NRG3: variants seen among roughly 807,000 people sequenced by gnomAD.
The protein encoded by NRG3 is pro-neuregulin-3, membrane-bound isoform.
Under a neutral mutation model 66.9 loss-of-function variants are expected in NRG3, and 31 were observed. That is an observed-to-expected ratio of 0.46 (90% CI 0.35 to 0.63). The LOEUF (loss-of-function observed/expected upper bound fraction) is 0.63, where lower values mean the gene tolerates loss of function less well. Ranked by LOEUF, NRG3 falls within the 20% of genes least tolerant of loss-of-function variation. The probability of loss-of-function intolerance (pLI) is 0.00; values close to 1 mark genes in which losing one functional copy is unlikely to be tolerated. For synonymous variants in NRG3, 393 were observed against 359.4 expected (o/e 1.09, Z -1.06); for missense variants, 910 against 878.9 (o/e 1.04, Z -0.45).
At chr10:82,349,746 G>T (rs965236721) in intron 1 of NRG3, among the ~76,000 whole-genome samples, 35 of 152,354 alleles carry the variant, frequency 2.3e-4, no homozygotes, top group East Asian at 1.2e-3. Flanking sequence ...CTCCGAGCCA[G>T]GTGCGGGATA....
chr10:82,707,018 AAT>A (rs10682579), intron 2 of NRG3, among the ~76,000 whole-genome samples: 70,716 of 141,062 alleles, frequency 0.5, 18,633 homozygotes, highest in East Asian at 0.6. Flanking sequence ...AAATAAAATA[AAT>A]ATATATATAT....
chr10:82,351,146 G>T (rs547864525), intron 1 of NRG3, among the ~76,000 whole-genome samples: 2 of 151,986 alleles, frequency 1.3e-5, no homozygotes, highest in Admixed American at 6.5e-5. Flanking sequence ...TGCCCGCCTC[G>T]GCCTCCCAAA....
chr10:82,054,696 G>C (rs2063749957), intron 1 of NRG3, among the ~76,000 whole-genome samples: 1 of 152,104 alleles, frequency 6.6e-6, no homozygotes, highest in Admixed American at 6.6e-5. Context: ...CGAGTGACAA[G>C]AGAAAGAAAA....
intron 7 of NRG3, among the ~76,000 whole-genome samples, chr10:82,976,758 T>C (rs1415080125): frequency 6.6e-6 from 1 of 152,152 alleles, no homozygotes; most frequent in African/African-American, 2.4e-5. Flanking sequence ...AGTGAGGTCA[T>C]GGCACTTGTG....
chr10:82,890,221 T>C (rs1380556135), intron 4 of NRG3, among the ~76,000 whole-genome samples: 1 of 146,218 alleles, frequency 6.8e-6, no homozygotes, highest in Non-Finnish European at 1.5e-5. Flanking sequence ...TAGAGAAAAA[T>C]ATAAAAAACC....
chr10:82,495,379 T>G (rs1316981983), intron 2 of NRG3, among the ~76,000 whole-genome samples: 1 of 152,228 alleles, frequency 6.6e-6, no homozygotes, highest in Middle Eastern at 3.2e-3. Flanking sequence ...GAATTGATTT[T>G]AATCTCAGAT....
intron 1 of NRG3, among the ~76,000 whole-genome samples, chr10:81,981,310 A>G (rs1274347462): frequency 6.6e-6 from 1 of 152,192 alleles, no homozygotes; most frequent in Non-Finnish European, 1.5e-5. Flanking sequence ...TGGGATGAAA[A>G]TTCTCATTCC....
intron 4 of NRG3, among the ~76,000 whole-genome samples, chr10:82,903,303 A>G (rs903417690): frequency 4.6e-5 from 7 of 152,136 alleles, no homozygotes; most frequent in African/African-American, 1.7e-4. Flanking sequence ...ATCTCCATGT[A>G]AGCATTTTGC....
chr10:82,927,584 G>A (rs4933276), intron 4 of NRG3, among the ~76,000 whole-genome samples: 150,277 of 152,192 alleles, frequency 0.99, 74,201 homozygotes, highest in Middle Eastern at 1. Context: ...ATGAGTGAGA[G>A]CATGTGCTGT....
chr10:82,111,643 T>C (rs550605943), intron 1 of NRG3, among the ~76,000 whole-genome samples: 1 of 152,290 alleles, frequency 6.6e-6, no homozygotes, highest in East Asian at 1.9e-4. Flanking sequence ...TGAATTTACC[T>C]ACCACAATTA....
At chr10:82,453,824 T>G (rs555085832) in intron 2 of NRG3, among the ~76,000 whole-genome samples, 1 of 152,306 alleles carries the variant, frequency 6.6e-6, no homozygotes, top group Non-Finnish European at 1.5e-5. Flanking sequence ...TTTATTAGAG[T>G]TGAATTTGAT....
rs59069355 is a variant in NRG3 at position 82,294,062 on chromosome 10, A to T, written c.824-64677A>T. ...TGCCCCGCTTGTCCTCTCACCAAGG[A>T]TGAGAAGTATCCCATCCTATGCTCT... On this transcript the variant is annotated intron_variant, in intron 1 of 8. Coordinates refer to ENST00000372141, the MANE Select transcript of NRG3 (RefSeq NM_001010848.4). Among the ~76,000 whole-genome samples the T allele has an allele frequency of 5.3e-5, 8 of 152,216 alleles. No homozygotes were observed. The East Asian group carries it at 1.6e-3, about 30-fold the overall frequency.
chr10:81,976,824 A>G (rs1040387811), intron 1 of NRG3, among the ~76,000 whole-genome samples: 2 of 152,196 alleles, frequency 1.3e-5, no homozygotes, highest in African/African-American at 2.4e-5. Flanking sequence ...AGATTAGTCT[A>G]TCTGGATGCC....
chr10:82,948,300 A>G (rs1849208455), intron 4 of NRG3, among the ~76,000 whole-genome samples: 1 of 152,108 alleles, frequency 6.6e-6, no homozygotes, highest in Admixed American at 6.5e-5. Context: ...GGCCAATACC[A>G]TATGCCTTGA....
At chr10:82,661,057 T>A (rs1025331004) in intron 2 of NRG3, among the ~76,000 whole-genome samples, 6 of 152,238 alleles carry the variant, frequency 3.9e-5, no homozygotes, top group African/African-American at 1.4e-4. Flanking sequence ...CATACATTAA[T>A]TCCTTTGACA....
At chr10:82,492,549 A>G (rs563071862) in intron 2 of NRG3, among the ~76,000 whole-genome samples, 1 of 152,184 alleles carries the variant, frequency 6.6e-6, no homozygotes, top group Non-Finnish European at 1.5e-5. Flanking sequence ...AAGAGATTGC[A>G]TAGAAACCTA....
At chr10:82,152,068 A>T (rs1463719280) in intron 1 of NRG3, among the ~76,000 whole-genome samples, 3 of 152,200 alleles carry the variant, frequency 2.0e-5, no homozygotes, top group Non-Finnish European at 4.4e-5. Flanking sequence ...AAAAGGCAAG[A>T]AACTAAATAT....
At chr10:82,477,993 T>C (rs1841938676) in intron 2 of NRG3, among the ~76,000 whole-genome samples, 1 of 152,174 alleles carries the variant, frequency 6.6e-6, no homozygotes. Context: ...GAATTAATTG[T>C]CAGAAATCCC....
intron 4 of NRG3, among the ~76,000 whole-genome samples, chr10:82,904,271 C>T (rs1045924689): frequency 2.6e-5 from 4 of 152,092 alleles, no homozygotes; most frequent in Admixed American, 6.6e-5. Flanking sequence ...TGCAAGACAA[C>T]TCTTTTTCTT....
Sources: allele counts gnomAD v4.1 joint callset (sites outside exome capture counted in the v4.1 genomes callset), GRCh38; gene constraint gnomAD v4.1.1; transcripts MANE v1.5; gene names NCBI Gene and HGNC (gene_info 2026-07-23, HGNC 2026-07-21).